The following ST3GAL4 variants were observed in gnomAD, a reference collection of about 807,000 sequenced individuals.
The protein encoded by ST3GAL4 is CMP-N-acetylneuraminate-beta-galactosamide-alpha-2,3-sialyltransferase 4.
In ST3GAL4, 24 loss-of-function variants were observed where a neutral mutation model predicts 42.6. That is an observed-to-expected ratio of 0.56 (90% confidence interval 0.41 to 0.79). ST3GAL4 has a LOEUF of 0.79. ST3GAL4 is among the 30% of genes least tolerant of loss of function. The pLI, the probability that ST3GAL4 is intolerant of heterozygous loss-of-function variation, is 0.00. For synonymous variants in ST3GAL4, 135 were observed against 163.2 expected, an observed-to-expected ratio of 0.83 and a Z score of 1.32; for missense variants, 311 against 430.8, an observed-to-expected ratio of 0.72 and a Z score of 2.46.
intron 9 of ST3GAL4, among the ~76,000 whole-genome samples, chr11:126,413,030 G>GA (rs1438141780): frequency 6.6e-6 from 1 of 152,226 alleles, no homozygotes; most frequent in Non-Finnish European, 1.5e-5. Context: ...GCCTCCCCCA[G>GA]ATGTGTGGAG....
In ST3GAL4 at chr11:126,384,684, G is replaced by T. The variant is rs1051407553; in HGVS notation, c.-60-21412G>T. 1.5e-5 allele frequency: 15 copies of T among 985,202 alleles called. No individual in the cohort carries two copies. The highest frequency in any genetic ancestry group is 1.8e-5 in the Non-Finnish European group (15 of 829,906). The allele number at this position is 985,202 out of a possible 1,614,324, so 61.0% of individuals were successfully genotyped here. A position where few individuals can be genotyped will look rare whatever the true frequency, so the allele number is the denominator to read the frequency against. On this transcript the variant is annotated intron_variant, in intron 1 of 10. Coordinates refer to ENST00000444328, the MANE Select transcript of ST3GAL4 (RefSeq NM_001254757.2). This position sits in a 1 kb window ranked among gnomAD's most constrained non-coding sequence, Gnocchi z 5.5. ...CAGATGGAGAGCCACCTCCCTAGGG[G>T]CCTCCTCCCCCTCCCCTTCTGCATG...
intron 1 of ST3GAL4, among the ~76,000 whole-genome samples, chr11:126,367,829 C>G (rs1188624929): frequency 6.6e-6 from 1 of 152,200 alleles, no homozygotes; most frequent in African/African-American, 2.4e-5. Flanking sequence ...AATCCCACAT[C>G]CATTGGTTGA....
At position 126,398,027 on chromosome 11, in the gene ST3GAL4, T is replaced by G. The variant is rs571903808; in HGVS notation, c.-60-8069T>G. ...GCCCCAGTCCCCAAAATGGATGTCC[T>G]TGTCACATGTAGAATACATTTGCTT... On this transcript the variant is annotated intron_variant, in intron 1 of 10. Transcript: ENST00000444328. The surrounding 1 kb of genome is among the most constrained non-coding windows in gnomAD (Gnocchi z 4.7). Among the ~76,000 whole-genome samples, 12 of 152,364 alleles carry G rather than the reference T, an allele frequency of 7.9e-5. No homozygotes were observed. The highest frequency in any genetic ancestry group is 3.3e-4 in the Admixed American group (5 of 15,304).
rs959936791 is a variant in ST3GAL4, at chr11:126,411,972, C to T, written c.772-1533C>T. On this transcript the variant is annotated intron_variant, in intron 9 of 10. Transcript: ENST00000444328. This position sits in a 1 kb window ranked among gnomAD's most constrained non-coding sequence, Gnocchi z 6.3. Reference sequence around the variant, plus strand: ...ATCATATTCACGGGCTCCCCACACGCGCAAGGGAGGAGATTACATGAGGGT... The same window carrying T: ...ATCATATTCACGGGCTCCCCACACGTGCAAGGGAGGAGATTACATGAGGGT... Among the ~76,000 whole-genome samples the T allele has an allele frequency of 1.3e-5, 2 of 152,116 alleles. No homozygotes were observed.
chr11:126,387,023 G>A (rs1304306657), intron 1 of ST3GAL4, among the ~76,000 whole-genome samples: 1 of 152,170 alleles, frequency 6.6e-6, no homozygotes, highest in Non-Finnish European at 1.5e-5. Context: ...GGTGCATACT[G>A]TGGCTGGTGC....
chr11:126,390,323 G>GTTTTTTTTTTTT (rs142562472), intron 1 of ST3GAL4, among the ~76,000 whole-genome samples: 2 of 148,824 alleles, frequency 1.3e-5, no homozygotes. Context: ...AGTGTTTCCA[G>GTTTTTTTTTTTT]TTTGTTTGTT....
intron 10 of ST3GAL4, 72 bp downstream of exon 10, chr11:126,413,720 G>T: frequency 6.3e-7 from 1 of 1,590,202 alleles, no homozygotes; most frequent in Non-Finnish European, 8.6e-7. Context: ...CACTGGGTGA[G>T]TGGGAGCAGT....
At chr11:126,388,285 C>T (rs1360226310) in intron 1 of ST3GAL4, among the ~76,000 whole-genome samples, 1 of 152,162 alleles carries the variant, frequency 6.6e-6, no homozygotes, top group Non-Finnish European at 1.5e-5. Flanking sequence ...CATTTCTTTA[C>T]ATTAAGGTAA....
intron 1 of ST3GAL4, among the ~76,000 whole-genome samples, chr11:126,356,464 C>A (rs568596231): frequency 6.6e-6 from 1 of 152,174 alleles, no homozygotes; most frequent in Admixed American, 6.5e-5. Context: ...GGTGTTTCCT[C>A]GGGGACCTGG....
chr11:126,377,771 G>A (rs547946420), intron 1 of ST3GAL4, among the ~76,000 whole-genome samples: 6 of 152,144 alleles, frequency 3.9e-5, no homozygotes, highest in African/African-American at 1.4e-4. Context: ...CCATGCGCTC[G>A]GCCAGCAACA....
chr11:126,406,267 G>C lies in ST3GAL4; in HGVS notation c.16+96G>C, dbSNP rs1954224987. ...GACCTCTGGGGGCTGTGGAGGGACA[G>C]ACAGGGAGCCAGGGGCCCTTCTCTT... On this transcript the variant is annotated intron_variant, in intron 2 of 10. Transcript: ENST00000444328. This position sits in a 1 kb window ranked among gnomAD's most constrained non-coding sequence, Gnocchi z 5.4. 6.5e-7 allele frequency: 1 copy of C among 1,548,672 alleles called. No homozygotes were observed. Among genetic ancestry groups the C allele is most frequent in the East Asian group, 2.4e-5 (1 of 40,906 alleles).
chr11:126,402,915 GTCGGGTGAGCTGGC>G (rs1954070115), intron 1 of ST3GAL4, among the ~76,000 whole-genome samples: 1 of 152,236 alleles, frequency 6.6e-6, no homozygotes, highest in African/African-American at 2.4e-5. Context: ...TGCCCAGCAG[GTCGGGTGAGCTGGC>G]CTCTTGGTGA....
intron 1 of ST3GAL4, 182 bp from the exon 2 acceptor site, chr11:126,405,914 C>T (rs557430074): frequency 4.7e-5 from 34 of 719,630 alleles, no homozygotes; most frequent in Non-Finnish European, 6.5e-5. Context: ...ATCCTTAATG[C>T]CGCCCTTGGA....
intron 1 of ST3GAL4, among the ~76,000 whole-genome samples, chr11:126,365,722 G>T (rs1282003930): frequency 6.6e-6 from 1 of 152,176 alleles, no homozygotes; most frequent in Non-Finnish European, 1.5e-5. Flanking sequence ...TGGTGGGGCA[G>T]CTGGAGGAAG....
In ST3GAL4 at chr11:126,392,710, T is replaced by G. The variant is rs185174071; in HGVS notation, c.-60-13386T>G. Among the ~76,000 whole-genome samples the G allele has an allele frequency of 8.4e-4, 128 of 152,320 alleles. No individual in the cohort carries two copies. The highest frequency in any genetic ancestry group is 1.5e-3 in the Non-Finnish European group (101 of 68,034). On this transcript the variant is annotated intron_variant, in intron 1 of 10. Transcript: ENST00000444328. This position sits in a 1 kb window ranked among gnomAD's most constrained non-coding sequence, Gnocchi z 5.8. Reference sequence around the variant, plus strand: ...CTATGGGACATAAGAAGTCCCTGCTTGCTGGGAGTGCGTGGTCTAATTGGT... The same window carrying G: ...CTATGGGACATAAGAAGTCCCTGCTGGCTGGGAGTGCGTGGTCTAATTGGT...
At chr11:126,357,611 G>A (rs1359713173) in intron 1 of ST3GAL4, among the ~76,000 whole-genome samples, 2 of 152,242 alleles carry the variant, frequency 1.3e-5, no homozygotes, top group African/African-American at 2.4e-5. Context: ...CCTAGAATCC[G>A]GTTTTCTGGA....
At chr11:126,408,012 G>A in intron 6 of ST3GAL4, 87 bp from the exon 7 acceptor site, 1 of 1,436,660 alleles carries the variant, frequency 7.0e-7, no homozygotes, top group Non-Finnish European at 9.5e-7. Context: ...CCTAGGAAGT[G>A]GTCCTGAGAT....
At chr11:126,371,163 CTTTTTTTT>C (rs551443393) in intron 1 of ST3GAL4, among the ~76,000 whole-genome samples, 5 of 59,974 alleles carry the variant, frequency 8.3e-5, no homozygotes, top group African/African-American at 3.5e-4. Context: ...CCCCACATTC[CTTTTTTTT>C]TTTTTTTTTT....
rs1371280406 is a variant in ST3GAL4 at position 126,379,774 on chromosome 11, G to A, written c.-61+23932G>A. 5.9e-5 allele frequency among the ~76,000 whole-genome samples: 9 copies of A among 151,636 alleles called. No homozygotes were observed. Among genetic ancestry groups the A allele is most frequent in the Non-Finnish European group, 8.8e-5 (6 of 67,952 alleles). The stretch of plus-strand genomic sequence containing the variant: ...ATTACAGGCATGAGCCACCACACCC[G>A]GCCTGTTATCCTTAATTTTAAATCA... On this transcript the variant is annotated intron_variant, in intron 1 of 10. Coordinates refer to ENST00000444328, the MANE Select transcript of ST3GAL4 (RefSeq NM_001254757.2). This position sits in a 1 kb window ranked among gnomAD's most constrained non-coding sequence, Gnocchi z 4.2.
Sources: allele counts gnomAD v4.1 joint callset (sites outside exome capture counted in the v4.1 genomes callset), GRCh38; gene constraint gnomAD v4.1.1; non-coding constraint Gnocchi (gnomAD v3.1); transcripts MANE v1.5; gene names NCBI Gene and HGNC (gene_info 2026-07-23, HGNC 2026-07-21).